The following TPGS2 variants were observed in gnomAD, a reference collection of about 807,000 sequenced individuals.
TPGS2 encodes the protein tubulin polyglutamylase complex subunit 2.
A neutral mutation model predicts 31.1 loss-of-function variants in TPGS2; 26 were observed. The ratio of observed to expected loss-of-function variants is 0.84; its 90% CI spans 0.61 to 1.16. The LOEUF (loss-of-function observed/expected upper bound fraction) is 1.16. TPGS2 is among the 50% of genes most tolerant of loss of function. The probability of loss-of-function intolerance (pLI) is 0.00; values close to 1 mark genes in which losing one functional copy is unlikely to be tolerated. For synonymous variants in TPGS2, 130 were observed against 136.6 expected (o/e 0.95, Z 0.34); for missense variants, 351 against 363.8 (o/e 0.96, Z 0.29).
At position 36,795,270 on chromosome 18, in the gene TPGS2, G is replaced by A. The variant is rs2150553334; in HGVS notation, c.*1535C>T. On this transcript the variant is annotated 3_prime_UTR_variant, in exon 7 of 7. Coordinates refer to ENST00000334295, the MANE Select transcript of TPGS2 (RefSeq NM_015476.4). ...TTAGTTCCCCAGTGGGTTTGGAAGA[G>A]GGAAACCCTGGGTCGATTAGCAGGT... The A allele has an allele frequency of 2.0e-6, 2 of 985,450 alleles. No individual in the cohort carries two copies. Among genetic ancestry groups the A allele is most frequent in the South Asian group, 4.7e-5 (1 of 21,288 alleles). The allele number at this position is 985,450 out of a possible 1,614,324, so 61.0% of individuals were successfully genotyped here. A position where few individuals can be genotyped will look rare whatever the true frequency, so the allele number is the denominator to read the frequency against.
At chr18:36,788,729 T>G (rs1189575209) in intron 6 of TPGS2, 1 of 152,168 alleles carries the variant, frequency 6.6e-6, no homozygotes, top group Non-Finnish European at 1.5e-5. Flanking sequence ...AAATTTTAAA[T>G]TTTTGTGGGT....
At chr18:36,792,027 CAAAA>C (rs754114446), downstream of TPGS2, among the ~76,000 whole-genome samples, 1 of 83,962 alleles carries the variant, frequency 1.2e-5, no homozygotes, top group Non-Finnish European at 2.5e-5. Context: ...GACCCTGTCT[CAAAA>C]AAAAAAAAAA....
At chr18:36,788,086 A>G (rs1817916233) in intron 6 of TPGS2, among the ~76,000 whole-genome samples, 1 of 152,196 alleles carries the variant, frequency 6.6e-6, no homozygotes, top group South Asian at 2.1e-4. Context: ...TGTAAGACAG[A>G]TTTTTGAATT....
chr18:36,806,418 C>G (rs1417475927), intron 3 of TPGS2, among the ~76,000 whole-genome samples: 1 of 152,154 alleles, frequency 6.6e-6, no homozygotes, highest in Non-Finnish European at 1.5e-5. Context: ...TCTGTCCCCT[C>G]TCTGTTGCTC....
intron 1 of TPGS2, among the ~76,000 whole-genome samples, chr18:36,819,211 G>C (rs1167425069): frequency 1.3e-5 from 2 of 152,156 alleles, no homozygotes; most frequent in African/African-American, 4.8e-5. Context: ...GCTCTATACT[G>C]TCATTGCTCA....
At position 36,794,404 on chromosome 18, in the gene TPGS2, T is replaced by A. The variant is rs997395611; in HGVS notation, c.*2401A>T. ...TAGCCTTTTGAGAACTCCCACTTGA[T>A]TGCCACAGATTTGAGTGACACCGCT... On this transcript the variant is annotated 3_prime_UTR_variant, in exon 7 of 7. Coordinates refer to ENST00000334295, the MANE Select transcript of TPGS2 (RefSeq NM_015476.4). 2.0e-6 allele frequency: 2 copies of A among 985,492 alleles called. No individual in the cohort carries two copies. The highest frequency in any genetic ancestry group is 6.1e-5 in the Admixed American group (1 of 16,278). The allele number at this position is 985,492 out of a possible 1,614,324, so 61.0% of individuals were successfully genotyped here.
At chr18:36,800,340 TCAAA>T in intron 4 of TPGS2, 29 bp from the exon 5 acceptor site, 6 of 1,598,648 alleles carry the variant, frequency 3.8e-6, no homozygotes, top group Non-Finnish European at 5.1e-6. Flanking sequence ...ATGGTAATGT[TCAAA>T]CAAACTCAAC....
chr18:36,828,803 G>T lies in TPGS2; in HGVS notation c.-36C>A. 6.2e-7 allele frequency: 1 copy of T among 1,607,672 alleles called. No homozygotes were observed. ...CGCGATTCGCGCGCGGCGGGAGCGG[G>T]TGGAGGGCCGGACCCCGCCTCAGCG... On this transcript the variant is annotated 5_prime_UTR_variant, in exon 1 of 7. Transcript: ENST00000334295.
In TPGS2 at chr18:36,796,953, A is replaced by G; in HGVS notation, c.755T>C (p.Phe252Ser). ...FVNKLDPSKV[F>S]KSKNKIVIPK... The stretch of plus-strand genomic sequence containing the variant: ...GATTACGATCTTGTTCTTGCTCTTA[A>G]ACACTTTGCTGGGATCTAGCTTATT... Residue 252 changes from phenylalanine to serine, a missense_variant, in exon 7 of 7, where the codon TTT becomes TCT. Transcript: ENST00000334295. The G allele has an allele frequency of 1.2e-6, 2 of 1,605,830 alleles. No homozygotes were observed. The highest frequency in any genetic ancestry group is 2.3e-5 in the South Asian group (2 of 88,590).
In TPGS2 at chr18:36,795,491, G is replaced by C; in HGVS notation, c.*1314C>G. ...CCAAAGAACTTGGGGCTAGGTGGGT[G>C]ACTCCCCACTTTCCCTGTTGGGAAG... On this transcript the variant is annotated 3_prime_UTR_variant, in exon 7 of 7. Coordinates refer to ENST00000334295, the MANE Select transcript of TPGS2 (RefSeq NM_015476.4). 1.0e-6 allele frequency: 1 copy of C among 985,424 alleles called. No homozygotes were observed. The highest frequency in any genetic ancestry group is 1.2e-6 in the Non-Finnish European group (1 of 829,952). The allele number at this position is 985,424 out of a possible 1,614,324, so 61.0% of individuals were successfully genotyped here. A position where few individuals can be genotyped will look rare whatever the true frequency, so the allele number is the denominator to read the frequency against.
intron 6 of TPGS2, among the ~76,000 whole-genome samples, chr18:36,786,287 C>A (rs1420279372): frequency 1.3e-5 from 2 of 152,218 alleles, no homozygotes; most frequent in Non-Finnish European, 2.9e-5. Flanking sequence ...GTGGCGCAAT[C>A]TCGGTTCACT....
Position 36,796,135 on chromosome 18 carries a change from A to T in TPGS2, c.*670T>A. The T allele has an allele frequency of 1.0e-6, 1 of 985,462 alleles. No homozygotes were observed. The highest frequency in any genetic ancestry group is 1.2e-6 in the Non-Finnish European group (1 of 829,938). The allele number at this position is 985,462 out of a possible 1,614,324, so 61.0% of individuals were successfully genotyped here. A position where few individuals can be genotyped will look rare whatever the true frequency, so the allele number is the denominator to read the frequency against. On this transcript the variant is annotated 3_prime_UTR_variant, in exon 7 of 7. Coordinates refer to ENST00000334295, the MANE Select transcript of TPGS2 (RefSeq NM_015476.4). ...ATGAGCAGAGCGAGATATTTGTGGT[A>T]AGGGATACAAAGAACATACAATTGT...
intron 4 of TPGS2, among the ~76,000 whole-genome samples, chr18:36,800,719 T>C (rs1488534405): frequency 6.6e-6 from 1 of 151,246 alleles, no homozygotes; most frequent in Non-Finnish European, 1.5e-5. Flanking sequence ...AGATGGAGTC[T>C]CACTCTGTTG....
intron 1 of TPGS2, 67 bp downstream of exon 1, chr18:36,828,616 A>T: frequency 1.3e-6 from 2 of 1,565,158 alleles, no homozygotes; most frequent in Non-Finnish European, 1.8e-6. Context: ...CTCACCCCGC[A>T]CCTCATCCCT....
chr18:36,793,248 T>C (rs1289227696), downstream of TPGS2, among the ~76,000 whole-genome samples: 2 of 152,220 alleles, frequency 1.3e-5, no homozygotes, highest in Non-Finnish European at 2.9e-5. Context: ...GCAACATATA[T>C]CCAGTGTTCC....
At chr18:36,822,323 C>A (rs891702650) in intron 1 of TPGS2, among the ~76,000 whole-genome samples, 13 of 152,210 alleles carry the variant, frequency 8.5e-5, no homozygotes, top group Non-Finnish European at 1.5e-5. Context: ...GAAGCCTGTG[C>A]ATGGATTCCT....
At chr18:36,798,997 G>A (rs1434170900) in intron 5 of TPGS2, among the ~76,000 whole-genome samples, 1 of 152,034 alleles carries the variant, frequency 6.6e-6, no homozygotes, top group South Asian at 2.1e-4. Context: ...AATGGCTTAG[G>A]TTTTTTTGAA....
At chr18:36,787,825 C>T (rs1567990727) in intron 6 of TPGS2, among the ~76,000 whole-genome samples, 1 of 152,212 alleles carries the variant, frequency 6.6e-6, no homozygotes, top group Non-Finnish European at 1.5e-5. Flanking sequence ...AACACATCCT[C>T]AGAAATGCCA....
At chr18:36,816,247 G>C (rs1243739319) in intron 2 of TPGS2, among the ~76,000 whole-genome samples, 1 of 152,100 alleles carries the variant, frequency 6.6e-6, no homozygotes, top group East Asian at 1.9e-4. Context: ...ATTTCCCTAA[G>C]TGTCAGTCTA....
Sources: gnomAD v4.1 joint callset for allele counts (sites outside exome capture counted in the v4.1 genomes callset) on GRCh38, gnomAD v4.1.1 for gene constraint, MANE v1.5 for transcripts, NCBI Gene and HGNC (gene_info 2026-07-23, HGNC 2026-07-21) for gene names.